MACROD2: variants seen among roughly 807,000 people sequenced by gnomAD.
MACROD2 encodes the protein mono-ADP ribosylhydrolase 2, also known as ADP-ribose glycohydrolase MACROD2.
In MACROD2, 36 loss-of-function variants were observed where a neutral mutation model predicts 70.4. The ratio of observed to expected loss-of-function variants is 0.51; its 90% CI spans 0.39 to 0.68. MACROD2 has a LOEUF of 0.68. Among genes scored for constraint, MACROD2 ranks in the 30% least tolerant of loss-of-function variants. The probability of loss-of-function intolerance (pLI) is 0.00; values close to 1 mark genes in which losing one functional copy is unlikely to be tolerated. For synonymous variants in MACROD2, 172 were observed against 178.8 expected, an observed-to-expected ratio of 0.96 and a Z score of 0.30; for missense variants, 496 against 538.4, an observed-to-expected ratio of 0.92 and a Z score of 0.78.
At chr20:15,471,849 T>C (rs2046967780) in intron 7 of MACROD2, among the ~76,000 whole-genome samples, 2 of 142,152 alleles carry the variant, frequency 1.4e-5, no homozygotes, top group South Asian at 4.1e-4. Flanking sequence ...TCAGTTATCC[T>C]CCTCTTTCTG....
At chr20:15,056,158 A>G (rs2075483857) in intron 5 of MACROD2, among the ~76,000 whole-genome samples, 1 of 152,174 alleles carries the variant, frequency 6.6e-6, no homozygotes, top group East Asian at 1.9e-4. Flanking sequence ...TATGCAGACT[A>G]ACTGGAAGTC....
At chr20:16,024,086 G>T (rs1390618898) in intron 15 of MACROD2, among the ~76,000 whole-genome samples, 3 of 152,186 alleles carry the variant, frequency 2.0e-5, no homozygotes, top group Non-Finnish European at 4.4e-5. Context: ...AGACTTAGGT[G>T]TCTTAATTGC....
In MACROD2 at chr20:14,574,375, CCATTCATTCATT is replaced by C. The variant is rs3044717; in HGVS notation, c.301+80883_301+80894del. Among the ~76,000 whole-genome samples, 12 of 152,144 alleles carry C rather than the reference CCATTCATTCATT, an allele frequency of 7.9e-5. No individual in the cohort carries two copies. The East Asian group carries it at 1.7e-3, about 22-fold the overall frequency. On this transcript the variant is annotated intron_variant, in intron 4 of 17. Coordinates refer to ENST00000684519, the MANE Select transcript of MACROD2 (RefSeq NM_001351661.2). ...AAATCAAACCATAGCATTTACCCTG[CCATTCATTCATT>C]CATTCATTCATTCATCTAATATATG...
intron 4 of MACROD2, among the ~76,000 whole-genome samples, chr20:14,544,604 A>G (rs985426727): frequency 6.6e-6 from 1 of 152,150 alleles, no homozygotes; most frequent in Non-Finnish European, 1.5e-5. Context: ...TTTCCATTTG[A>G]GTTGCTTGAG....
At chr20:14,204,937 C>A (rs1030902077) in intron 3 of MACROD2, among the ~76,000 whole-genome samples, 5 of 152,004 alleles carry the variant, frequency 3.3e-5, no homozygotes, top group Non-Finnish European at 7.4e-5. Flanking sequence ...TAGTACTCTA[C>A]ATAACTATGG....
At chr20:14,144,795 T>C (rs34012824) in intron 3 of MACROD2, among the ~76,000 whole-genome samples, 9,179 of 152,186 alleles carry the variant, frequency 0.06, 353 homozygotes, top group East Asian at 0.21. Flanking sequence ...GGTATGTTAT[T>C]TGTATATAAT....
chr20:14,903,077 T>C (rs1478370286), intron 5 of MACROD2, among the ~76,000 whole-genome samples: 1 of 149,624 alleles, frequency 6.7e-6, no homozygotes, highest in Non-Finnish European at 1.5e-5. Flanking sequence ...GTTTCGCTCT[T>C]GTTGCCCAGG....
intron 5 of MACROD2, among the ~76,000 whole-genome samples, chr20:15,134,858 A>G (rs1170696415): frequency 6.6e-6 from 1 of 152,098 alleles, no homozygotes; most frequent in South Asian, 2.1e-4. Context: ...TCAAATAGAC[A>G]CAATAAAAAA....
chr20:15,888,292 A>G (rs1419430330), intron 10 of MACROD2, among the ~76,000 whole-genome samples: 2 of 152,202 alleles, frequency 1.3e-5, no homozygotes, highest in Non-Finnish European at 2.9e-5. Flanking sequence ...TATGTTTAAA[A>G]AAGACTTGAA....
intron 3 of MACROD2, among the ~76,000 whole-genome samples, chr20:14,155,934 G>A (rs1203568867): frequency 6.6e-6 from 1 of 152,198 alleles, no homozygotes; most frequent in Non-Finnish European, 1.5e-5. Context: ...GGCCAAGCCA[G>A]GAGGATAGCT....
At chr20:14,775,247 G>A (rs2072218685) in intron 5 of MACROD2, among the ~76,000 whole-genome samples, 1 of 152,038 alleles carries the variant, frequency 6.6e-6, no homozygotes, top group South Asian at 2.1e-4. Flanking sequence ...TAACGCGGTG[G>A]GCTTAGCAAG....
intron 7 of MACROD2, among the ~76,000 whole-genome samples, chr20:15,447,339 G>A (rs1157094401): frequency 3.9e-5 from 6 of 152,108 alleles, no homozygotes; most frequent in African/African-American, 4.8e-5. Flanking sequence ...CAGATTGGTC[G>A]GTGCCTTTGC....
At chr20:14,026,629 C>G (rs998237353) in intron 2 of MACROD2, among the ~76,000 whole-genome samples, 1 of 152,120 alleles carries the variant, frequency 6.6e-6, no homozygotes, top group Non-Finnish European at 1.5e-5. Context: ...ATATGAAATT[C>G]CAGGTTGAAA....
intron 2 of MACROD2, among the ~76,000 whole-genome samples, chr20:14,009,587 C>T (rs151141460): frequency 3.9e-4 from 59 of 152,140 alleles, no homozygotes; most frequent in Non-Finnish European, 6.0e-4. Flanking sequence ...GTAAAAATAC[C>T]GTTTGACCCA....
At chr20:14,855,741 A>G (rs936756942) in intron 5 of MACROD2, among the ~76,000 whole-genome samples, 1 of 151,336 alleles carries the variant, frequency 6.6e-6, no homozygotes, top group Non-Finnish European at 1.5e-5. Flanking sequence ...TACCCCTGAT[A>G]GCATGAAACG....
chr20:14,368,067 T>G (rs2122737667), intron 3 of MACROD2, among the ~76,000 whole-genome samples: 1 of 152,350 alleles, frequency 6.6e-6, no homozygotes, highest in African/African-American at 2.4e-5. Context: ...TCTTTACTGA[T>G]ATTCTCTACT....
chr20:14,679,855 C>A (rs1254933022), intron 4 of MACROD2, among the ~76,000 whole-genome samples: 1 of 152,024 alleles, frequency 6.6e-6, no homozygotes, highest in Non-Finnish European at 1.5e-5. Flanking sequence ...TATCAGATGA[C>A]CTTCATACCA....
chr20:15,408,828 GGA>G (rs2046039149), intron 6 of MACROD2, among the ~76,000 whole-genome samples: 1 of 152,148 alleles, frequency 6.6e-6, no homozygotes, highest in Non-Finnish European at 1.5e-5. Flanking sequence ...AAATCTGGAG[GGA>G]ATCTTTTAAG....
At chr20:15,942,329 A>C (rs1322191374) in intron 12 of MACROD2, among the ~76,000 whole-genome samples, 1 of 152,188 alleles carries the variant, frequency 6.6e-6, no homozygotes, top group African/African-American at 2.4e-5. Context: ...AGCATGAGAT[A>C]CTAGCAGGAA....
Sources: allele counts gnomAD v4.1 joint callset (sites outside exome capture counted in the v4.1 genomes callset), GRCh38; gene constraint gnomAD v4.1.1; transcripts MANE v1.5; gene names NCBI Gene and HGNC (gene_info 2026-07-23, HGNC 2026-07-21).